Variants in RTN1 observed in about 807,000 individuals in gnomAD.
RTN1 encodes reticulon 1, also known as reticulon-1.
In RTN1, 25 loss-of-function variants were observed where a neutral mutation model predicts 65.5. The ratio of observed to expected loss-of-function variants is 0.38; its 90% CI spans 0.28 to 0.53. The LOEUF (loss-of-function observed/expected upper bound fraction) is 0.53. RTN1 is among the 20% of genes least tolerant of loss of function. The pLI, the probability that RTN1 is intolerant of heterozygous loss-of-function variation, is 0.79. For missense variants in RTN1, 983 were observed against 1,025.4 expected (o/e 0.96, Z 0.57); for synonymous variants, 471 against 447.6 (o/e 1.05, Z -0.66).
chr14:59,749,194 A>C (rs1164737358), intron 1 of RTN1, among the ~76,000 whole-genome samples: 2 of 90,186 alleles, frequency 2.2e-5, no homozygotes, highest in African/African-American at 1.3e-4. Context: ...CTATCTATAT[A>C]TATCTATATA....
chr14:59,609,144 G>A (rs1428155591), intron 3 of RTN1, among the ~76,000 whole-genome samples: 3 of 152,040 alleles, frequency 2.0e-5, no homozygotes, highest in Non-Finnish European at 2.9e-5. Context: ...AAGTAGCTGG[G>A]CATGGTGGCA....
At chr14:59,777,460 G>A (rs1886073227) in intron 1 of RTN1, among the ~76,000 whole-genome samples, 2 of 152,150 alleles carry the variant, frequency 1.3e-5, no homozygotes, top group African/African-American at 4.8e-5. Flanking sequence ...TTTTAAGTGT[G>A]TGCTGATCAT....
chr14:59,668,906 T>C (rs962134493), intron 3 of RTN1, among the ~76,000 whole-genome samples: 21 of 152,076 alleles, frequency 1.4e-4, no homozygotes, highest in Non-Finnish European at 8.8e-5. Flanking sequence ...CACAATGAGA[T>C]GCCATCTCAT....
intron 1 of RTN1, among the ~76,000 whole-genome samples, chr14:59,760,308 G>T (rs997224970): frequency 6.6e-6 from 1 of 152,058 alleles, no homozygotes; most frequent in Non-Finnish European, 1.5e-5. Context: ...AGAAAAAGAG[G>T]AATAAGAATA....
At chr14:59,756,844 T>TG (rs1555359255) in intron 1 of RTN1, among the ~76,000 whole-genome samples, 2 of 140,438 alleles carry the variant, frequency 1.4e-5, no homozygotes, top group East Asian at 2.0e-4. Flanking sequence ...TTTTTTTGTT[T>TG]TTTTTTTTTT....
intron 3 of RTN1, among the ~76,000 whole-genome samples, chr14:59,671,481 T>C (rs567035442): frequency 2.0e-5 from 3 of 152,312 alleles, no homozygotes; most frequent in Non-Finnish European, 4.4e-5. Context: ...TATTAACATA[T>C]ACCAAATGAT....
chr14:59,774,328 G>A lies in RTN1; in HGVS notation c.242-27847C>T, dbSNP rs960884639. ...CATGGACTCGACTCTGAATTAAAGT[G>A]TAAAAATGATTTATAATCTATACAA... is the stretch of plus-strand genomic sequence containing the variant. On this transcript the variant is annotated intron_variant, in intron 1 of 8. Coordinates refer to ENST00000267484, the MANE Select transcript of RTN1 (RefSeq NM_021136.3). This position sits in a 1 kb window ranked among gnomAD's most constrained non-coding sequence, Gnocchi z 5.1. Among the ~76,000 whole-genome samples, 3 of 152,146 alleles carry A rather than the reference G, an allele frequency of 2.0e-5. No individual in the cohort carries two copies. Among genetic ancestry groups the A allele is most frequent in the Non-Finnish European group, 4.4e-5 (3 of 68,030 alleles).
intron 3 of RTN1, among the ~76,000 whole-genome samples, chr14:59,626,579 C>T (rs1882405073): frequency 6.6e-6 from 1 of 152,166 alleles, no homozygotes; most frequent in South Asian, 2.1e-4. Context: ...AAACTTTGTT[C>T]CCCTAGTACA....
intron 3 of RTN1, among the ~76,000 whole-genome samples, chr14:59,633,843 T>G (rs898511495): frequency 6.6e-6 from 1 of 152,198 alleles, no homozygotes; most frequent in Non-Finnish European, 1.5e-5. Flanking sequence ...AGATTAATAT[T>G]GAAGGCTAGC....
chr14:59,743,045 T>C (rs1185736246), intron 2 of RTN1, among the ~76,000 whole-genome samples: 1 of 152,218 alleles, frequency 6.6e-6, no homozygotes, highest in Non-Finnish European at 1.5e-5. Context: ...GGAGAGAATG[T>C]GTAATGGGCC....
chr14:59,852,690 G>T (rs926677594), intron 1 of RTN1, among the ~76,000 whole-genome samples: 1 of 152,096 alleles, frequency 6.6e-6, no homozygotes, highest in Non-Finnish European at 1.5e-5. Flanking sequence ...ATCCAATATG[G>T]AATCTCCAAA....
chr14:59,663,792 A>C (rs1883304133), intron 3 of RTN1, among the ~76,000 whole-genome samples: 1 of 152,322 alleles, frequency 6.6e-6, no homozygotes, highest in East Asian at 1.9e-4. Context: ...ATCTCATGCC[A>C]GTTAGAATGG....
At chr14:59,677,951 T>C (rs1400579171) in intron 3 of RTN1, among the ~76,000 whole-genome samples, 4 of 152,232 alleles carry the variant, frequency 2.6e-5, no homozygotes, top group Non-Finnish European at 5.9e-5. Context: ...TAAAATAGTC[T>C]TTCTTACAAA....
chr14:59,749,507 A>ATT (rs1230585710), intron 1 of RTN1, among the ~76,000 whole-genome samples: 1 of 58,968 alleles, frequency 1.7e-5, no homozygotes, highest in African/African-American at 1.0e-4. Flanking sequence ...ATATCTATAT[A>ATT]TAGATATCTA....
chr14:59,819,877 G>C (rs896783755), intron 1 of RTN1, among the ~76,000 whole-genome samples: 21 of 152,198 alleles, frequency 1.4e-4, no homozygotes, highest in African/African-American at 4.8e-4. Context: ...GGGGCCCCTT[G>C]AGCCCGCGCC....
At chr14:59,649,641 T>C (rs765703988) in intron 3 of RTN1, among the ~76,000 whole-genome samples, 1 of 152,064 alleles carries the variant, frequency 6.6e-6, no homozygotes, top group Non-Finnish European at 1.5e-5. Flanking sequence ...TAACAAACAT[T>C]TGAAAAAAAG....
At chr14:59,640,567 G>A (rs913302678) in intron 3 of RTN1, among the ~76,000 whole-genome samples, 15 of 151,994 alleles carry the variant, frequency 9.9e-5, no homozygotes, top group Non-Finnish European at 4.4e-5. Context: ...TGCCTGCCTC[G>A]GCCTCCCAAA....
chr14:59,755,081 T>C (rs1262094060), intron 1 of RTN1, among the ~76,000 whole-genome samples: 1 of 152,134 alleles, frequency 6.6e-6, no homozygotes, highest in East Asian at 1.9e-4. Context: ...CTCGCTAGGG[T>C]TGAGATAAGG....
chr14:59,603,067 T>G lies in RTN1; in HGVS notation c.2286A>C (p.Ala762=). 1.2e-6 allele frequency: 2 copies of G among 1,613,298 alleles called. No individual in the cohort carries two copies. Among genetic ancestry groups the G allele is most frequent in the Non-Finnish European group, 1.7e-6 (2 of 1,179,502 alleles). Reference sequence around the variant, plus strand: ...ATGCATTGCACTATGTGACTTACTTTGCCACAACAGCATTTATGTGAGTCC... The same window carrying G: ...ATGCATTGCACTATGTGACTTACTTGGCCACAACAGCATTTATGTGAGTCC... The part of the protein sequence containing the change: ...LVRTHINAVV[A]KIQAKIPGAK... The change falls in exon 8 of 9, where the codon GCA becomes GCC. Residue 762 remains alanine (A), a splice_region_variant and synonymous_variant. Transcript: ENST00000267484.
Sources: gnomAD v4.1 joint callset for allele counts (sites outside exome capture counted in the v4.1 genomes callset) on GRCh38, gnomAD v4.1.1 for gene constraint, Gnocchi (gnomAD v3.1) non-coding constraint, MANE v1.5 for transcripts, NCBI Gene and HGNC (gene_info 2026-07-23, HGNC 2026-07-21) for gene names.